The following GSK3B variants were observed in gnomAD, a reference collection of about 807,000 sequenced individuals.
The protein encoded by GSK3B is glycogen synthase kinase-3 beta.
In GSK3B, 15 loss-of-function variants were observed where a neutral mutation model predicts 56.4. The ratio of observed to expected loss-of-function variants is 0.27; its 90% CI spans 0.18 to 0.41. GSK3B has a LOEUF of 0.41. Ranked by LOEUF, GSK3B falls within the 10% of genes least tolerant of loss-of-function variation. GSK3B has a pLI of 1.00. For missense variants in GSK3B, 300 were observed against 513.4 expected, an observed-to-expected ratio of 0.58 and a Z score of 4.02; for synonymous variants, 181 against 188.9, an observed-to-expected ratio of 0.96 and a Z score of 0.34.
chr3:119,921,535 A>ATC (rs2107463368), intron 4 of GSK3B, among the ~76,000 whole-genome samples: 1 of 152,328 alleles, frequency 6.6e-6, no homozygotes, highest in African/African-American at 2.4e-5. Context: ...GGAAATATAG[A>ATC]TGACCAAAGA....
chr3:119,942,691 G>A (rs2057061793), intron 3 of GSK3B, among the ~76,000 whole-genome samples: 1 of 152,062 alleles, frequency 6.6e-6, no homozygotes, highest in East Asian at 1.9e-4. Flanking sequence ...TTCAACTAGG[G>A]CAACTCTGCT....
At chr3:119,906,268 T>C (rs960733582) in intron 6 of GSK3B, among the ~76,000 whole-genome samples, 17 of 152,114 alleles carry the variant, frequency 1.1e-4, no homozygotes, top group African/African-American at 3.9e-4. Flanking sequence ...TCCCAGACAC[T>C]GGGCTTTAAG....
intron 1 of GSK3B, among the ~76,000 whole-genome samples, chr3:120,024,643 T>G (rs747207985): frequency 6.6e-6 from 1 of 152,156 alleles, no homozygotes; most frequent in Non-Finnish European, 1.5e-5. Context: ...GCAGATACTA[T>G]TTATACAAAT....
intron 1 of GSK3B, among the ~76,000 whole-genome samples, chr3:120,018,491 A>T (rs554110934): frequency 2.0e-5 from 3 of 152,328 alleles, no homozygotes; most frequent in African/African-American, 4.8e-5. Context: ...ACTCTATAGT[A>T]TTAAAAACTA....
At chr3:120,089,847 T>C (rs1370597272) in intron 1 of GSK3B, among the ~76,000 whole-genome samples, 1 of 152,126 alleles carries the variant, frequency 6.6e-6, no homozygotes, top group East Asian at 1.9e-4. Context: ...AACTTGGAAG[T>C]GAACAAAAAT....
Position 119,824,273 on chromosome 3 carries a change from TAA to T in GSK3B, c.*2513_*2514del, listed in dbSNP as rs1447988444. The T allele has an allele frequency of 4.4e-5, 10 of 225,650 alleles. No individual in the cohort carries two copies. Among genetic ancestry groups the T allele is most frequent in the African/African-American group, 8.9e-5 (4 of 45,028 alleles). The allele number at this position is 225,650 out of a possible 1,614,324, so 14.0% of individuals were successfully genotyped here. A position where few individuals can be genotyped will look rare whatever the true frequency, so the allele number is the denominator to read the frequency against. Reference sequence around the variant, plus strand: ...TTCAGAGACCTGGATCTCACTTGTATAAAAGAGTTCTGTGATCCCACCATGAT... The same window carrying T: ...TTCAGAGACCTGGATCTCACTTGTATAAGAGTTCTGTGATCCCACCATGAT... On this transcript the variant is annotated 3_prime_UTR_variant, in exon 11 of 11. Coordinates refer to ENST00000264235, the MANE Select transcript of GSK3B (RefSeq NM_001146156.2).
intron 1 of GSK3B, among the ~76,000 whole-genome samples, chr3:120,024,469 CT>C (rs1252081595): frequency 5.3e-5 from 8 of 152,180 alleles, no homozygotes; most frequent in Non-Finnish European, 1.2e-4. Flanking sequence ...TACTAATTTT[CT>C]ATTTTTTCAG....
intron 7 of GSK3B, among the ~76,000 whole-genome samples, chr3:119,895,955 T>C (rs1315874840): frequency 2.0e-5 from 3 of 151,374 alleles, no homozygotes; most frequent in Admixed American, 6.6e-5. Flanking sequence ...GGTGAAAACC[T>C]ATCTATAACA....
At chr3:119,959,258 G>A (rs181740673) in intron 2 of GSK3B, among the ~76,000 whole-genome samples, 1 of 152,224 alleles carries the variant, frequency 6.6e-6, no homozygotes. Context: ...TTTAAAGGCT[G>A]ATCAGACTCC....
At position 119,823,513 on chromosome 3, in the gene GSK3B, A is replaced by C. The variant is rs1229920332; in HGVS notation, c.*3275T>G. 4.2e-5 allele frequency: 8 copies of C among 190,014 alleles called. No homozygotes were observed. In the Admixed American group the frequency reaches 4.9e-4, roughly 12 times the overall value. The allele number at this position is 190,014 out of a possible 1,614,324, so 11.8% of individuals were successfully genotyped here. A position where few individuals can be genotyped will look rare whatever the true frequency, so the allele number is the denominator to read the frequency against. On this transcript the variant is annotated 3_prime_UTR_variant, in exon 11 of 11. Coordinates refer to ENST00000264235, the MANE Select transcript of GSK3B (RefSeq NM_001146156.2). ...CTCTCATTTGGGAGGGAAGTAGATA[A>C]AAGAGGAGAGAGAGAGAGCATGGAA...
At chr3:120,041,422 T>C (rs931855217) in intron 1 of GSK3B, 5 of 267,726 alleles carry the variant, frequency 1.9e-5, no homozygotes, top group South Asian at 1.1e-4. Context: ...AAGAAGCCCA[T>C]GGAAACACAT....
At chr3:119,918,021 T>C (rs1042202692) in intron 4 of GSK3B, among the ~76,000 whole-genome samples, 1 of 152,128 alleles carries the variant, frequency 6.6e-6, no homozygotes, top group Non-Finnish European at 1.5e-5. Flanking sequence ...CCATTTTAAA[T>C]ATAAAATAAC....
chr3:120,003,550 A>T lies in GSK3B; in HGVS notation c.89-1311T>A, dbSNP rs189924192. On this transcript the variant is annotated intron_variant, in intron 1 of 10. Transcript: ENST00000264235. ...ATTACAATTTCCTTTCTAAAATACT[A>T]ACTGAATTCCAATTAACCTAATAAA... Among the ~76,000 whole-genome samples, 16 of 152,334 alleles carry T rather than the reference A, an allele frequency of 1.1e-4. No individual in the cohort carries two copies. The East Asian group carries it at 3.1e-3, about 29-fold the overall frequency.
intron 1 of GSK3B, among the ~76,000 whole-genome samples, chr3:120,049,720 C>T (rs1406785936): frequency 1.3e-5 from 2 of 152,122 alleles, no homozygotes; most frequent in East Asian, 3.8e-4. Context: ...TGGGGTAGGA[C>T]AGAAGAATAG....
At chr3:119,999,990 G>A (rs1481820659) in intron 2 of GSK3B, among the ~76,000 whole-genome samples, 4 of 152,108 alleles carry the variant, frequency 2.6e-5, no homozygotes, top group Non-Finnish European at 4.4e-5. Context: ...GAGAACTCTG[G>A]GATTATTCTA....
chr3:119,913,299 A>G (rs1233398258), intron 5 of GSK3B, among the ~76,000 whole-genome samples: 4 of 151,994 alleles, frequency 2.6e-5, no homozygotes, highest in Admixed American at 2.0e-4. Flanking sequence ...GACTCAATCT[A>G]TTTTTCCATA....
chr3:120,049,655 A>C (rs2058131331), intron 1 of GSK3B, among the ~76,000 whole-genome samples: 1 of 152,250 alleles, frequency 6.6e-6, no homozygotes. Flanking sequence ...ACAAATGAGT[A>C]GTAAATAAAA....
intron 1 of GSK3B, chr3:120,041,283 G>A (rs2058063130): frequency 3.7e-6 from 1 of 270,078 alleles, no homozygotes; most frequent in Non-Finnish European, 7.7e-6. Context: ...TAATTTTCCT[G>A]AGTAAGTGGT....
At chr3:119,933,687 G>A (rs940612671) in intron 3 of GSK3B, among the ~76,000 whole-genome samples, 5 of 151,920 alleles carry the variant, frequency 3.3e-5, no homozygotes, top group Non-Finnish European at 7.4e-5. Flanking sequence ...GCCAAGCCTG[G>A]CCAACATGGT....
Sources: gnomAD v4.1 joint callset for allele counts (sites outside exome capture counted in the v4.1 genomes callset) on GRCh38, gnomAD v4.1.1 for gene constraint, MANE v1.5 for transcripts, NCBI Gene and HGNC (gene_info 2026-07-23, HGNC 2026-07-21) for gene names.